The following HDAC4 variants were observed in gnomAD, a reference collection of about 807,000 sequenced individuals.
HDAC4 encodes the protein histone deacetylase 4, also known as histone deacetylase A.
A neutral mutation model predicts 135.1 loss-of-function variants in HDAC4; 16 were observed. The observed-to-expected ratio is 0.12, with a 90% CI of 0.08 to 0.18. HDAC4 has a LOEUF of 0.18. Ranked by LOEUF, HDAC4 falls within the 10% of genes least tolerant of loss-of-function variation. The pLI, the probability that HDAC4 is intolerant of heterozygous loss-of-function variation, is 1.00. For synonymous variants in HDAC4, 685 were observed against 653.4 expected (o/e 1.05, Z -0.74); for missense variants, 1,143 against 1,511.8 (o/e 0.76, Z 4.05).
At position 239,115,023 on chromosome 2, in the gene HDAC4, C is replaced by G; in HGVS notation, c.1791+30G>C. 1 of 1,605,526 alleles carries G rather than the reference C, an allele frequency of 6.2e-7. No homozygotes were observed. Among genetic ancestry groups the G allele is most frequent in the Non-Finnish European group, 8.5e-7 (1 of 1,179,202 alleles). On this transcript the variant is annotated intron_variant, in intron 13 of 26. Transcript: ENST00000543185. This position sits in a 1 kb window ranked among gnomAD's most constrained non-coding sequence, Gnocchi z 6.3. The stretch of plus-strand genomic sequence containing the variant: ...GACCGAGGGTGGCTGTGCGTGCCAG[C>G]CTTCTGGTGCCCTCCCCGCCTGCGG...
chr2:239,097,945 C>T (rs2037265625), intron 16 of HDAC4, among the ~76,000 whole-genome samples: 1 of 152,212 alleles, frequency 6.6e-6, no homozygotes, highest in African/African-American at 2.4e-5. Context: ...CTGCCAGAAA[C>T]TAGGGAGCTC....
At chr2:239,180,583 T>G (rs1016742116) in intron 4 of HDAC4, among the ~76,000 whole-genome samples, 2 of 152,218 alleles carry the variant, frequency 1.3e-5, no homozygotes, top group Non-Finnish European at 2.9e-5. Context: ...AAGGTAAAAC[T>G]CCTCATTCTT....
intron 2 of HDAC4, among the ~76,000 whole-genome samples, chr2:239,242,827 T>C (rs1468906868): frequency 1.3e-5 from 2 of 152,038 alleles, no homozygotes; most frequent in Non-Finnish European, 2.9e-5. Context: ...TGCCAAGACA[T>C]ATTTTTAAAT....
At chr2:239,389,364 T>C (rs909224266) in intron 1 of HDAC4, among the ~76,000 whole-genome samples, 1 of 152,170 alleles carries the variant, frequency 6.6e-6, no homozygotes, top group Admixed American at 6.5e-5. Flanking sequence ...GTTGTAACAC[T>C]TGCCGCGAAG....
At position 239,217,827 on chromosome 2, in the gene HDAC4, G is replaced by A. The variant is rs578256761; in HGVS notation, c.94+18766C>T. On this transcript the variant is annotated intron_variant, in intron 3 of 26. Transcript: ENST00000543185. ...AACAGGGTCGGGCACAACAGCTCAC[G>A]CCTGTAATCACGGTGCTTTGGGAGG... is the stretch of plus-strand genomic sequence containing the variant. Among the ~76,000 whole-genome samples the A allele has an allele frequency of 1.1e-4, 17 of 152,310 alleles. No homozygotes were observed. The South Asian group carries it at 2.7e-3, about 24-fold the overall frequency.
chr2:239,314,087 T>C (rs1440735008), intron 2 of HDAC4, among the ~76,000 whole-genome samples: 1 of 152,052 alleles, frequency 6.6e-6, no homozygotes, highest in Non-Finnish European at 1.5e-5. Context: ...TTGGGGAGAA[T>C]TCAGACAACC....
At chr2:239,372,723 T>C (rs1229908723) in intron 1 of HDAC4, among the ~76,000 whole-genome samples, 1 of 152,228 alleles carries the variant, frequency 6.6e-6, no homozygotes, top group African/African-American at 2.4e-5. Context: ...CTCTCTTTCC[T>C]GCTCTCTCCA....
chr2:239,254,060 T>A (rs1171013638), intron 2 of HDAC4, among the ~76,000 whole-genome samples: 1 of 152,158 alleles, frequency 6.6e-6, no homozygotes, highest in East Asian at 1.9e-4. Flanking sequence ...TAAACCTGGG[T>A]CCCTGTGGAT....
Position 239,325,719 on chromosome 2 carries a change from C to T in HDAC4, c.22+26959G>A, listed in dbSNP as rs545644318. ...GTGGCTCACGCCTGTAATCCCAGCA[C>T]TTTGGGAGGCCGAGACGGGTGGATC... On this transcript the variant is annotated intron_variant, in intron 2 of 26. Coordinates refer to ENST00000543185, the MANE Select transcript of HDAC4 (RefSeq NM_001378414.1). Among the ~76,000 whole-genome samples the T allele has an allele frequency of 1.8e-4, 28 of 152,118 alleles. 2 individuals are homozygous for T. The East Asian group carries it at 5.4e-3, about 29-fold the overall frequency.
At position 239,111,397 on chromosome 2, in the gene HDAC4, T is replaced by G. The variant is rs140624878; in HGVS notation, c.1978+129A>C. ...TGACAGACCTGTGTGGTCCCCACCA[T>G]CCAGCGTGGCCCTCGTGCCTGCCCA... On this transcript the variant is annotated intron_variant, in intron 14 of 26. Coordinates refer to ENST00000543185, the MANE Select transcript of HDAC4 (RefSeq NM_001378414.1). The G allele has an allele frequency of 1.4e-3, 1,204 of 867,598 alleles. 8 individuals carry two copies. The African/African-American group carries it at 0.018, about 13-fold the overall frequency. The allele number at this position is 867,598 out of a possible 1,614,324, so 53.7% of individuals were successfully genotyped here. A position where few individuals can be genotyped will look rare whatever the true frequency, so the allele number is the denominator to read the frequency against.
At chr2:239,136,709 G>A (rs2040981454) in intron 9 of HDAC4, among the ~76,000 whole-genome samples, 1 of 152,200 alleles carries the variant, frequency 6.6e-6, no homozygotes, top group Non-Finnish European at 1.5e-5. Context: ...GAAGCAGCCA[G>A]TATAAAAGTG....
chr2:239,386,956 T>C (rs1003730797), intron 1 of HDAC4, among the ~76,000 whole-genome samples: 9 of 152,252 alleles, frequency 5.9e-5, no homozygotes, highest in African/African-American at 2.2e-4. Flanking sequence ...GTGGCTGTTC[T>C]GGGTTCACCA....
intron 2 of HDAC4, among the ~76,000 whole-genome samples, chr2:239,292,165 G>C (rs1201412799): frequency 6.6e-6 from 1 of 152,204 alleles, no homozygotes; most frequent in Non-Finnish European, 1.5e-5. Context: ...ATGGTAGGTG[G>C]GGCCCCAAGT....
At position 239,400,700 on chromosome 2, in the gene HDAC4, G is replaced by GCGGCGGCGGC. The variant is rs1235195218; in HGVS notation, c.-220+268_-220+277dup. 19 of 146,284 alleles carry GCGGCGGCGGC rather than the reference G, an allele frequency of 1.3e-4. No homozygotes were observed. Among genetic ancestry groups the GCGGCGGCGGC allele is most frequent in the Non-Finnish European group, 2.1e-4 (14 of 65,702 alleles). 9.1% of individuals were successfully genotyped at this position (146,284 alleles called of 1,614,324 possible). On this transcript the variant is annotated intron_variant, in intron 1 of 26. Coordinates refer to ENST00000543185, the MANE Select transcript of HDAC4 (RefSeq NM_001378414.1). This position sits in a 1 kb window ranked among gnomAD's most constrained non-coding sequence, Gnocchi z 4.7. The stretch of plus-strand genomic sequence containing the variant: ...GCCGGGGCTGCGCTTACCGCGGCGG[G>GCGGCGGCGGC]CGGCGGCGGCCGGCTCTAGCCCTGC...
chr2:239,229,329 C>G (rs1196277903), intron 3 of HDAC4, among the ~76,000 whole-genome samples: 1 of 152,132 alleles, frequency 6.6e-6, no homozygotes, highest in Non-Finnish European at 1.5e-5. Context: ...GGGGCAGACT[C>G]CTGCGTCTGG....
chr2:239,236,213 G>A (rs1221525767), intron 3 of HDAC4, among the ~76,000 whole-genome samples: 1 of 152,176 alleles, frequency 6.6e-6, no homozygotes. Flanking sequence ...GTCTGTCCAC[G>A]GTCACGTGGC....
rs144555853 is a variant in HDAC4, at chr2:239,134,371, C to T, written c.1168G>A (p.Gly390Ser). The change falls in exon 11 of 27, where the codon GGC becomes AGC. Residue 390 changes from glycine to serine, a missense_variant. Gly to Ser is a moderately conservative substitution (Grantham distance 56). Around this residue, in one of 9 missense-constraint regions of HDAC4, gnomAD observed 272 missense variants for 309.7 expected, o/e 0.88. Transcript: ENST00000543185. ...CTCAGGTAGGGAGTGAGGTGGGTGCCGGGGAAAAGGGAGAGCCTCTGCTGG... is the reference window on the plus strand; with the variant it reads ...CTCAGGTAGGGAGTGAGGTGGGTGCTGGGGAAAAGGGAGAGCCTCTGCTGG... ...ALQQRLSLFP[G>S]THLTPYLSTS... is the part of the protein sequence containing the mutation. 390 of 1,613,794 alleles carry T rather than the reference C, an allele frequency of 2.4e-4. 3 individuals carry two copies. The East Asian group carries it at 4.1e-3, about 17-fold the overall frequency.
chr2:239,050,809 T>TGAC lies in HDAC4; in HGVS notation c.*2285_*2287dup, dbSNP rs1270867955. On this transcript the variant is annotated 3_prime_UTR_variant, in exon 27 of 27. Transcript: ENST00000543185. ...TGGAAAATAAGTTACCAGTAAAACGTGACTGTCAGTTACTGTTGAAGAGAA... is the reference window on the plus strand; with the variant it reads ...TGGAAAATAAGTTACCAGTAAAACGTGACGACTGTCAGTTACTGTTGAAGAGAA... 1 of 152,598 alleles carries TGAC rather than the reference T, an allele frequency of 6.6e-6. No individual in the cohort carries two copies. Among genetic ancestry groups the TGAC allele is most frequent in the East Asian group, 1.9e-4 (1 of 5,196 alleles). The allele number at this position is 152,598 out of a possible 1,614,324, so 9.5% of individuals were successfully genotyped here. A position where few individuals can be genotyped will look rare whatever the true frequency, so the allele number is the denominator to read the frequency against.
chr2:239,186,363 A>G (rs1342297492), intron 4 of HDAC4: 1 of 152,256 alleles, frequency 6.6e-6, no homozygotes, highest in Non-Finnish European at 1.5e-5. Context: ...CACTATTGCC[A>G]AATGTCACTA....
Sources: gnomAD v4.1 joint callset for allele counts (sites outside exome capture counted in the v4.1 genomes callset) on GRCh38, gnomAD v4.1.1 for gene constraint, gnomAD v4.1.1 regional missense constraint, Gnocchi (gnomAD v3.1) non-coding constraint, MANE v1.5 for transcripts, NCBI Gene and HGNC (gene_info 2026-07-23, HGNC 2026-07-21) for gene names.